The following PARP11 variants were observed in gnomAD, a reference collection of about 807,000 sequenced individuals.
PARP11 encodes the protein poly(ADP-ribose) polymerase family member 11.
Under a neutral mutation model 42.9 loss-of-function variants are expected in PARP11, and 31 were observed. That is an observed-to-expected ratio of 0.72 (90% CI 0.54 to 0.98). The LOEUF (loss-of-function observed/expected upper bound fraction) is 0.98, where lower values mean the gene tolerates loss of function less well. Ranked by LOEUF, PARP11 falls within the 50% of genes least tolerant of loss-of-function variation. The pLI is 0.00. For missense variants in PARP11, 365 were observed against 413.1 expected (o/e 0.88, Z 1.01); for synonymous variants, 137 against 127.3 (o/e 1.08, Z -0.51).
chr12:3,823,676 G>A (rs1198365379), intron 4 of PARP11, among the ~76,000 whole-genome samples: 1 of 152,216 alleles, frequency 6.6e-6, no homozygotes, highest in Non-Finnish European at 1.5e-5. Context: ...AACACTTTGG[G>A]AGGCAGAGGC....
At position 3,811,256 on chromosome 12, in the gene PARP11, A is replaced by G. The variant is rs1014451776; in HGVS notation, c.*867T>C. The G allele has an allele frequency of 6.6e-6, 1 of 151,750 alleles. No individual in the cohort carries two copies. Among genetic ancestry groups the G allele is most frequent in the Non-Finnish European group, 1.5e-5 (1 of 67,902 alleles). 9.4% of individuals were successfully genotyped at this position (151,750 alleles called of 1,614,324 possible). A position where few individuals can be genotyped will look rare whatever the true frequency, so the allele number is the denominator to read the frequency against. On this transcript the variant is annotated 3_prime_UTR_variant, in exon 8 of 8. Coordinates refer to ENST00000228820, the MANE Select transcript of PARP11 (RefSeq NM_020367.6). The stretch of plus-strand genomic sequence containing the variant: ...CTGTGTGTGCTGCAGAGGGGAAGGT[A>G]AAAAAAAATCTTAGAAGTGATCATT...
chr12:3,829,759 T>C, intron 2 of PARP11, 131 bp downstream of exon 2: 6 of 925,690 alleles, frequency 6.5e-6, no homozygotes, highest in Middle Eastern at 2.3e-4. Context: ...CTAACTTTTC[T>C]TTTAGTTAAA....
At chr12:3,841,394 C>T in intron 1 of PARP11, 2 of 1,311,920 alleles carry the variant, frequency 1.5e-6, no homozygotes, top group Admixed American at 1.7e-5. Flanking sequence ...GTCCCTGTCC[C>T]TGTTTATCTT....
intron 6 of PARP11, among the ~76,000 whole-genome samples, chr12:3,816,864 C>T (rs555895170): frequency 1.9e-4 from 28 of 151,114 alleles, no homozygotes; most frequent in Non-Finnish European, 4.1e-4. Context: ...ATTGTGCCAC[C>T]GCACTGCAGC....
At chr12:3,821,779 C>T (rs1947399121) in intron 6 of PARP11, 94 bp downstream of exon 6, 2 of 1,331,270 alleles carry the variant, frequency 1.5e-6, no homozygotes, top group Non-Finnish European at 1.0e-6. Flanking sequence ...AACAGCATGT[C>T]TACACCACTG....
chr12:3,824,132 C>T (rs566483737), intron 4 of PARP11, among the ~76,000 whole-genome samples: 2 of 152,270 alleles, frequency 1.3e-5, no homozygotes, highest in East Asian at 3.9e-4. Context: ...CCCACAACCA[C>T]TCCAAAAAGG....
At chr12:3,862,575 T>C (rs181555512) in intron 1 of PARP11, among the ~76,000 whole-genome samples, 41 of 149,406 alleles carry the variant, frequency 2.7e-4, no homozygotes, top group Non-Finnish European at 4.9e-4. Context: ...TTTTCTATAC[T>C]ATATATTTTA....
intron 6 of PARP11, among the ~76,000 whole-genome samples, chr12:3,815,291 A>G (rs1487199122): frequency 6.6e-6 from 1 of 152,242 alleles, no homozygotes; most frequent in Non-Finnish European, 1.5e-5. Flanking sequence ...AAACAGCACA[A>G]TTTATTTGTG....
At chr12:3,826,069 T>C in intron 4 of PARP11, 89 bp downstream of exon 4, 1 of 754,246 alleles carries the variant, frequency 1.3e-6, no homozygotes, top group African/African-American at 1.8e-5. Flanking sequence ...TTAAATGACC[T>C]ACCAAAATAT....
Position 3,873,295 on chromosome 12 carries a change from A to AT in PARP11, c.-67dup, listed in dbSNP as rs71534267. 18,579 of 1,139,296 alleles carry AT rather than the reference A, an allele frequency of 0.016. No homozygotes were observed. The highest frequency in any genetic ancestry group is 0.018 in the Non-Finnish European group (15,050 of 841,554). 70.6% of individuals were successfully genotyped at this position (1,139,296 alleles called of 1,614,324 possible). ...GCTAGCCGCGGGGCCTGGGTGTTGG[A>AT]TTTTTTTTTTTCCCGCGGGTCCCCG... is the stretch of plus-strand genomic sequence containing the variant. On this transcript the variant is annotated 5_prime_UTR_variant, in exon 1 of 8. Transcript: ENST00000228820.
rs1297494569 is a variant in PARP11, at chr12:3,840,830, T to TA, written c.19-10813dup. On this transcript the variant is annotated intron_variant, in intron 1 of 7. Coordinates refer to ENST00000228820, the MANE Select transcript of PARP11 (RefSeq NM_020367.6). The surrounding 1 kb of genome is among the most constrained non-coding windows in gnomAD (Gnocchi z 4.4). ...TCATCACCATCAAAGTCAAAGAAGT[T>TA]AGAGTGCCCTTCTCCTGCAGAACAA... The TA allele has an allele frequency of 3.1e-6, 5 of 1,595,860 alleles. No individual in the cohort carries two copies. The highest frequency in any genetic ancestry group is 2.2e-5 in the East Asian group (1 of 44,810).
chr12:3,818,199 G>A (rs1024650957), intron 6 of PARP11, among the ~76,000 whole-genome samples: 3 of 152,016 alleles, frequency 2.0e-5, no homozygotes, highest in African/African-American at 4.8e-5. Flanking sequence ...TTCCACAGTA[G>A]CCATTTCAAA....
At chr12:3,818,548 T>C (rs1291093343) in intron 6 of PARP11, among the ~76,000 whole-genome samples, 3 of 152,190 alleles carry the variant, frequency 2.0e-5, no homozygotes, top group Non-Finnish European at 4.4e-5. Context: ...TCTCCCATGA[T>C]TAAATTTTAA....
chr12:3,818,667 G>C (rs557503080), intron 6 of PARP11, among the ~76,000 whole-genome samples: 29 of 152,320 alleles, frequency 1.9e-4, no homozygotes, highest in African/African-American at 7.0e-4. Context: ...TACACAATAT[G>C]ATGTCTACCA....
chr12:3,853,371 T>C (rs1948132564), intron 1 of PARP11, among the ~76,000 whole-genome samples: 1 of 152,134 alleles, frequency 6.6e-6, no homozygotes, highest in African/African-American at 2.4e-5. Flanking sequence ...CCCATCAGTG[T>C]GCTGCATTCA....
chr12:3,846,572 C>T (rs1029983370), intron 1 of PARP11, among the ~76,000 whole-genome samples: 14 of 151,042 alleles, frequency 9.3e-5, no homozygotes, highest in African/African-American at 2.2e-4. Flanking sequence ...CTGGCTAACA[C>T]GGTGAAACCC....
chr12:3,849,491 G>C (rs758007668), intron 1 of PARP11, among the ~76,000 whole-genome samples: 1 of 152,180 alleles, frequency 6.6e-6, no homozygotes, highest in Non-Finnish European at 1.5e-5. Context: ...ATGGAGTCAT[G>C]ACATTGGCAG....
chr12:3,846,836 G>A (rs1948011876), intron 1 of PARP11, among the ~76,000 whole-genome samples: 1 of 151,840 alleles, frequency 6.6e-6, no homozygotes, highest in African/African-American at 2.4e-5. Flanking sequence ...TATAATCCCA[G>A]CACTTTGGGA....
chr12:3,812,528 A>G (rs567120030), intron 7 of PARP11, 89 bp from the exon 8 acceptor site: 3 of 826,492 alleles, frequency 3.6e-6, no homozygotes, highest in Non-Finnish European at 5.7e-6. Context: ...GAATAGATGC[A>G]TAGAATTGTA....
Sources: gnomAD v4.1 joint callset for allele counts (sites outside exome capture counted in the v4.1 genomes callset) on GRCh38, gnomAD v4.1.1 for gene constraint, Gnocchi (gnomAD v3.1) non-coding constraint, MANE v1.5 for transcripts, NCBI Gene and HGNC (gene_info 2026-07-23, HGNC 2026-07-21) for gene names.